Variants in SPECC1L observed in about 807,000 individuals in gnomAD.
SPECC1L encodes the protein sperm antigen with calponin homology and coiled-coil domains 1 like.
A neutral mutation model predicts 116.8 loss-of-function variants in SPECC1L; 40 were observed. The ratio of observed to expected loss-of-function variants is 0.34; its 90% CI spans 0.27 to 0.45. The LOEUF (loss-of-function observed/expected upper bound fraction) is 0.45, where lower values mean the gene tolerates loss of function less well. Ranked by LOEUF, SPECC1L falls within the 20% of genes least tolerant of loss-of-function variation. The pLI, the probability that SPECC1L is intolerant of heterozygous loss-of-function variation, is 1.00. For missense variants in SPECC1L, 1,110 were observed against 1,373.6 expected (o/e 0.81, Z 3.03); for synonymous variants, 504 against 500.6 (o/e 1.01, Z -0.09).
Position 24,415,456 on chromosome 22 carries a change from A to G in SPECC1L, c.*833A>G, listed in dbSNP as rs1165885723. On this transcript the variant is annotated 3_prime_UTR_variant, in exon 17 of 17. Coordinates refer to ENST00000314328, the MANE Select transcript of SPECC1L (RefSeq NM_015330.6). The stretch of plus-strand genomic sequence containing the variant: ...GTTTTGTTACGAGCAATGCTGGAAA[A>G]GGTCGCTCCTGTTCTGTTAGTACCA... The G allele has an allele frequency of 6.5e-6, 1 of 152,682 alleles. No homozygotes were observed. The highest frequency in any genetic ancestry group is 2.4e-5 in the African/African-American group (1 of 41,458). 9.5% of individuals were successfully genotyped at this position (152,682 alleles called of 1,614,324 possible).
chr22:24,331,050 C>A (rs1402042926), intron 8 of SPECC1L, among the ~76,000 whole-genome samples: 1 of 152,150 alleles, frequency 6.6e-6, no homozygotes, highest in East Asian at 1.9e-4. Context: ...CTTATAATTG[C>A]ATGAATCTCC....
At chr22:24,309,109 G>A (rs1264332365) in intron 3 of SPECC1L, among the ~76,000 whole-genome samples, 1 of 152,024 alleles carries the variant, frequency 6.6e-6, no homozygotes, top group East Asian at 1.9e-4. Flanking sequence ...CCAAGACCTG[G>A]AGGTTAGATG....
intron 13 of SPECC1L, among the ~76,000 whole-genome samples, chr22:24,366,848 A>G (rs1386207740): frequency 2.6e-5 from 4 of 152,338 alleles, no homozygotes; most frequent in East Asian, 3.9e-4. Flanking sequence ...TCAAAAATTT[A>G]GCATACGTTG....
At chr22:24,404,071 C>A (rs1199528214) in intron 14 of SPECC1L, among the ~76,000 whole-genome samples, 1 of 152,224 alleles carries the variant, frequency 6.6e-6, no homozygotes, top group African/African-American at 2.4e-5. Flanking sequence ...CTTGTGGCCT[C>A]TCCACATCAC....
At chr22:24,324,093 GGTT>G in intron 5 of SPECC1L, 124 bp from the exon 6 acceptor site, 3 of 756,950 alleles carry the variant, frequency 4.0e-6, no homozygotes, top group Non-Finnish European at 7.0e-6. Flanking sequence ...TTATTACACA[GGTT>G]GTTTTAGTTT....
rs9624463 is a variant in SPECC1L at position 24,359,968 on chromosome 22, C to A, written c.2744-3293C>A. Among the ~76,000 whole-genome samples, 197 of 152,274 alleles carry A rather than the reference C, an allele frequency of 1.3e-3. 2 individuals carry two copies. The highest frequency in any genetic ancestry group is 6.8e-3 in the Middle Eastern group (2 of 294). On this transcript the variant is annotated intron_variant, in intron 11 of 16. Coordinates refer to ENST00000314328, the MANE Select transcript of SPECC1L (RefSeq NM_015330.6). ...ATGACTTTTTGAATGCTTGCTTCTA[C>A]TCTAGACCCCAAGTTCCATGAGAGC...
At chr22:24,354,797 G>A (rs1292985660) in intron 11 of SPECC1L, among the ~76,000 whole-genome samples, 1 of 151,754 alleles carries the variant, frequency 6.6e-6, no homozygotes, top group Non-Finnish European at 1.5e-5. Flanking sequence ...AAGTAGCTGG[G>A]ATTACAGGTG....
At chr22:24,320,255 G>A (rs933736288) in intron 4 of SPECC1L, among the ~76,000 whole-genome samples, 1 of 152,180 alleles carries the variant, frequency 6.6e-6, no homozygotes, top group African/African-American at 2.4e-5. Flanking sequence ...TAGCCTGGGT[G>A]ATGGTCAAGA....
At chr22:24,292,414 G>C (rs1373291054) in intron 2 of SPECC1L, among the ~76,000 whole-genome samples, 1 of 152,160 alleles carries the variant, frequency 6.6e-6, no homozygotes, top group Non-Finnish European at 1.5e-5. Context: ...ACTTCTGGAA[G>C]TGGGATATCA....
chr22:24,277,761 CTTTA>C (rs1290166839), intron 2 of SPECC1L, among the ~76,000 whole-genome samples: 1 of 152,172 alleles, frequency 6.6e-6, no homozygotes, highest in Non-Finnish European at 1.5e-5. Flanking sequence ...GTTGTTCATG[CTTTA>C]TTTGTCCATC....
At chr22:24,364,710 T>C (rs2041718465) in intron 12 of SPECC1L, among the ~76,000 whole-genome samples, 1 of 151,346 alleles carries the variant, frequency 6.6e-6, no homozygotes. Flanking sequence ...CATGTAGCCC[T>C]GTAATAAAGC....
chr22:24,291,118 AAGAG>A (rs2049148002), intron 2 of SPECC1L, among the ~76,000 whole-genome samples: 1 of 152,238 alleles, frequency 6.6e-6, no homozygotes, highest in Non-Finnish European at 1.5e-5. Context: ...TTTGTGAAAT[AAGAG>A]AGATAAATAT....
intron 3 of SPECC1L, among the ~76,000 whole-genome samples, chr22:24,312,598 A>G (rs1215874246): frequency 6.6e-6 from 1 of 152,196 alleles, no homozygotes; most frequent in African/African-American, 2.4e-5. Flanking sequence ...AGGAGAAGTA[A>G]AAACGTTTCT....
chr22:24,305,420 C>T (rs771529975), intron 3 of SPECC1L, among the ~76,000 whole-genome samples: 1 of 152,208 alleles, frequency 6.6e-6, no homozygotes, highest in African/African-American at 2.4e-5. Context: ...TTTACAGGAA[C>T]GTAGTCACAC....
chr22:24,374,056 T>C (rs1417728125), intron 14 of SPECC1L, among the ~76,000 whole-genome samples: 5 of 151,888 alleles, frequency 3.3e-5, no homozygotes, highest in Non-Finnish European at 5.9e-5. Context: ...GAAATGCAAA[T>C]CAAAACCACA....
chr22:24,278,810 T>C (rs1460662223), intron 2 of SPECC1L, among the ~76,000 whole-genome samples: 1 of 152,232 alleles, frequency 6.6e-6, no homozygotes, highest in Non-Finnish European at 1.5e-5. Flanking sequence ...TTAGTCACTT[T>C]GCAGGTGAAA....
chr22:24,302,384 G>T lies in SPECC1L; in HGVS notation c.153G>T (p.Lys51Asn). Residue 51 changes from lysine to asparagine, a missense_variant and splice_region_variant, in exon 3 of 17, where the codon AAG (lysine) becomes AAT (asparagine). By Grantham distance (94) the Lys-to-Asn change is moderately conservative (BLOSUM62 0). Around this residue, in one of 4 missense-constraint regions of SPECC1L, gnomAD observed 437 missense variants for 482.6 expected, o/e 0.91. Transcript: ENST00000314328. ...VKPGTAASLSKTKSSDDLLAG... is the reference protein window; with the variant it reads ...VKPGTAASLSNTKSSDDLLAG... ...CTGGAACAGCAGCATCATTGTCAAA[G>T]GTATTCATGTGATGTTTGAATACAT... is the stretch of plus-strand genomic sequence containing the variant. 6.2e-7 allele frequency: 1 copy of T among 1,614,020 alleles called. No individual in the cohort carries two copies. The highest frequency in any genetic ancestry group is 1.1e-5 in the South Asian group (1 of 91,076).
At chr22:24,347,371 T>A (rs1265761090) in intron 11 of SPECC1L, among the ~76,000 whole-genome samples, 195 bp downstream of exon 11, 1 of 152,232 alleles carries the variant, frequency 6.6e-6, no homozygotes, top group Admixed American at 6.5e-5. Flanking sequence ...GCATCTTTCC[T>A]GACAGCTGTC....
At chr22:24,300,192 T>C (rs998380902) in intron 2 of SPECC1L, among the ~76,000 whole-genome samples, 1 of 152,210 alleles carries the variant, frequency 6.6e-6, no homozygotes, top group African/African-American at 2.4e-5. Context: ...TGTCCTTGTA[T>C]TCTCATTTTT....
Sources: gnomAD v4.1 joint callset for allele counts (sites outside exome capture counted in the v4.1 genomes callset) on GRCh38, gnomAD v4.1.1 for gene constraint, gnomAD v4.1.1 regional missense constraint, MANE v1.5 for transcripts, NCBI Gene and HGNC (gene_info 2026-07-23, HGNC 2026-07-21) for gene names.